HYDIN: variants seen among roughly 807,000 people sequenced by gnomAD.
HYDIN encodes the protein HYDIN axonemal central pair apparatus protein, also known as axonemal central pair apparatus protein HYDIN.
A neutral mutation model predicts 403.9 loss-of-function variants in HYDIN; 132 were observed. The observed-to-expected ratio is 0.33, with a 90% CI of 0.28 to 0.38. The LOEUF is 0.38. Ranked by LOEUF, HYDIN falls within the 10% of genes least tolerant of loss-of-function variation. The pLI is 1.00. For missense variants in HYDIN, 2,827 were observed against 5,009.5 expected (o/e 0.56, Z 13.15); for synonymous variants, 1,202 against 1,891.7 (o/e 0.64, Z 9.46).
intron 6 of HYDIN, among the ~76,000 whole-genome samples, chr16:71,161,277 C>T (rs1168717121): frequency 1.3e-5 from 2 of 151,972 alleles, no homozygotes; most frequent in African/African-American, 4.8e-5. Flanking sequence ...TGACAGGAGG[C>T]GGAGCTCAGG....
At chr16:71,115,425 T>TGAA (rs1369304202) in intron 10 of HYDIN, among the ~76,000 whole-genome samples, 2 of 152,218 alleles carry the variant, frequency 1.3e-5, no homozygotes, top group African/African-American at 4.8e-5. Flanking sequence ...CGGGCAGTTA[T>TGAA]TATTAGCAGT....
At position 71,067,361 on chromosome 16, in the gene HYDIN, T is replaced by C. The variant is rs774973466; in HGVS notation, c.2004A>G (p.Lys668=). 9 of 1,612,262 alleles carry C rather than the reference T, an allele frequency of 5.6e-6. No homozygotes were observed. In the East Asian group the frequency reaches 1.1e-4, roughly 20 times the overall value. Residue 668 remains lysine, a synonymous_variant, in exon 15 of 86, where the codon AAA becomes AAG. Coordinates refer to ENST00000393567, the MANE Select transcript of HYDIN (RefSeq NM_001270974.2). ...RVTLCSNTVQ[K]YELALVVDVE... is the part of the protein sequence containing the mutation. Reference sequence around the variant, plus strand: ...CGTCCACCACGAGTGCCAGCTCGTATTTCTGCACAGTGTTGGAGCATAATG... The same window carrying C: ...CGTCCACCACGAGTGCCAGCTCGTACTTCTGCACAGTGTTGGAGCATAATG...
At chr16:71,159,639 C>A (rs1487261733) in intron 6 of HYDIN, among the ~76,000 whole-genome samples, 7 of 105,212 alleles carry the variant, frequency 6.7e-5, no homozygotes, top group Non-Finnish European at 9.4e-5. Context: ...ACTGCAAAAA[C>A]CAAATAAATC....
intron 58 of HYDIN, among the ~76,000 whole-genome samples, chr16:70,884,568 GTTTAT>G (rs1363684618): frequency 2.0e-5 from 3 of 151,850 alleles, no homozygotes; most frequent in Non-Finnish European, 2.9e-5. Context: ...CTGAGTCTCA[GTTTAT>G]TTATCTATAA....
At chr16:71,017,847 T>TG (rs2080316438) in intron 23 of HYDIN, among the ~76,000 whole-genome samples, 1 of 152,280 alleles carries the variant, frequency 6.6e-6, no homozygotes, top group Non-Finnish European at 1.5e-5. Context: ...GAATTTCTAA[T>TG]GGTCTTATCA....
chr16:71,175,717 C>A lies in HYDIN; in HGVS notation c.406G>T (p.Glu136Ter). Residue 136 changes from glutamate to a stop codon, truncating the protein, a stop_gained, in exon 5 of 86, where the codon GAA becomes TAA. Transcript: ENST00000393567. LOFTEE classifies it high-confidence loss of function. ...DKIPRLVKVV[E>*]ESSPYFKVIS... The stretch of plus-strand genomic sequence containing the variant: ...ACTTTAAAGTAAGGCGAACTTTCTT[C>A]CACAACTTTCACCAACCTTGGAATC... 6.2e-7 allele frequency: 1 copy of A among 1,614,164 alleles called. No homozygotes were observed.
chr16:70,921,809 A>G (rs1023691726), intron 45 of HYDIN, among the ~76,000 whole-genome samples: 4 of 152,204 alleles, frequency 2.6e-5, no homozygotes, highest in Non-Finnish European at 5.9e-5. Context: ...ATGGGAACAA[A>G]TGGGGGTTTA....
chr16:70,899,578 T>C (rs907964298), intron 53 of HYDIN, among the ~76,000 whole-genome samples: 15 of 152,106 alleles, frequency 9.9e-5, no homozygotes, highest in Admixed American at 2.6e-4. Flanking sequence ...GTCTGTTTTT[T>C]AGTCACCCAG....
At chr16:71,042,434 G>T (rs940049438) in intron 18 of HYDIN, among the ~76,000 whole-genome samples, 13 of 151,862 alleles carry the variant, frequency 8.6e-5, no homozygotes, top group African/African-American at 3.1e-4. Context: ...AATAATAATA[G>T]CTTTTTTCTT....
At chr16:71,048,476 T>G (rs1282805737) in intron 18 of HYDIN, among the ~76,000 whole-genome samples, 3 of 133,736 alleles carry the variant, frequency 2.2e-5, no homozygotes, top group African/African-American at 8.0e-5. Flanking sequence ...AAAAGCTCAC[T>G]TTTCTCAGCA....
At chr16:70,887,282 G>A (rs535578693) in intron 58 of HYDIN, among the ~76,000 whole-genome samples, 1 of 152,174 alleles carries the variant, frequency 6.6e-6, no homozygotes, top group African/African-American at 2.4e-5. Context: ...GAGATGAGGA[G>A]ATTATTCTGG....
At chr16:70,931,786 G>A (rs2077343161) in intron 45 of HYDIN, among the ~76,000 whole-genome samples, 1 of 151,986 alleles carries the variant, frequency 6.6e-6, no homozygotes, top group Non-Finnish European at 1.5e-5. Context: ...AGGCCAAGGT[G>A]GATGGATCAC....
rs368101713 is a variant in HYDIN, at chr16:70,910,059, TTTG to T, written c.8005-1201_8005-1199del. Among the ~76,000 whole-genome samples, 597 of 152,222 alleles carry T rather than the reference TTTG, an allele frequency of 3.9e-3. 4 individuals carry two copies. Among genetic ancestry groups the T allele is most frequent in the African/African-American group, 8.1e-3 (337 of 41,542 alleles). Reference sequence around the variant, plus strand: ...ATTAATCAAAGTTCCTATATTGTGTTTTGTTATGTTTCTTTTTTAATTTTTTAT... The same window carrying T: ...ATTAATCAAAGTTCCTATATTGTGTTTTATGTTTCTTTTTTAATTTTTTAT... On this transcript the variant is annotated intron_variant, in intron 47 of 85. Transcript: ENST00000393567.
At chr16:70,850,061 G>A in intron 74 of HYDIN, 114 bp from the exon 75 acceptor site, 2 of 609,518 alleles carry the variant, frequency 3.3e-6, no homozygotes. Context: ...GGCAGATGAT[G>A]TTGGTGATTT....
intron 52 of HYDIN, among the ~76,000 whole-genome samples, chr16:70,902,407 A>C (rs1228742415): frequency 6.7e-6 from 1 of 148,476 alleles, no homozygotes; most frequent in Non-Finnish European, 1.5e-5. Flanking sequence ...TCAGGAGTTG[A>C]GACCAGCCTG....
chr16:71,020,328 A>G lies in HYDIN; in HGVS notation c.3187-11T>C, dbSNP rs758748534. 4 of 1,611,028 alleles carry G rather than the reference A, an allele frequency of 2.5e-6. No homozygotes were observed. Among genetic ancestry groups the G allele is most frequent in the Non-Finnish European group, 3.4e-6 (4 of 1,179,070 alleles). On this transcript the variant is annotated splice_polypyrimidine_tract_variant and intron_variant, in intron 21 of 85. Coordinates refer to ENST00000393567, the MANE Select transcript of HYDIN (RefSeq NM_001270974.2). ...GATACTGTTAGGTTTCTGCAAAAAC[A>G]GAAAAAGAGGAAACAAATCAACTTA... is the stretch of plus-strand genomic sequence containing the variant.
intron 43 of HYDIN, chr16:70,941,408 T>C (rs2077667758): frequency 5.8e-6 from 2 of 341,900 alleles, no homozygotes; most frequent in Admixed American, 9.6e-5. Flanking sequence ...TGGCTGTAAT[T>C]GCAGAAAGGA....
intron 1 of HYDIN, among the ~76,000 whole-genome samples, chr16:71,192,803 C>G (rs1164061165): frequency 6.6e-6 from 1 of 152,060 alleles, no homozygotes; most frequent in Non-Finnish European, 1.5e-5. Flanking sequence ...TTCCCAGCAC[C>G]CTGTACAGGG....
chr16:70,934,248 G>T (rs767853154), intron 45 of HYDIN, among the ~76,000 whole-genome samples: 1 of 152,078 alleles, frequency 6.6e-6, no homozygotes, highest in Non-Finnish European at 1.5e-5. Context: ...GAGGGGTGAC[G>T]AGGCAAAGCC....
Sources: allele counts gnomAD v4.1 joint callset (sites outside exome capture counted in the v4.1 genomes callset), GRCh38; gene constraint gnomAD v4.1.1; transcripts MANE v1.5; gene names NCBI Gene and HGNC (gene_info 2026-07-23, HGNC 2026-07-21).